Variants in RTTN observed in about 807,000 individuals in gnomAD.
RTTN encodes the protein rotatin.
Under a neutral mutation model 269.2 loss-of-function variants are expected in RTTN, and 182 were observed. That is an observed-to-expected ratio of 0.68 (90% CI 0.60 to 0.76). RTTN has a LOEUF of 0.76. Ranked by LOEUF, RTTN falls within the 30% of genes least tolerant of loss-of-function variation. The probability of loss-of-function intolerance (pLI) is 0.00; values close to 1 mark genes in which losing one functional copy is unlikely to be tolerated. For missense variants in RTTN, 2,545 were observed against 2,608.6 expected, an observed-to-expected ratio of 0.98 and a Z score of 0.53; for synonymous variants, 1,006 against 963.5, an observed-to-expected ratio of 1.04 and a Z score of -0.82.
intron 28 of RTTN, among the ~76,000 whole-genome samples, chr18:70,109,101 T>C (rs2059395337): frequency 6.6e-6 from 1 of 152,084 alleles, no homozygotes. Flanking sequence ...AAAACAAATA[T>C]CCTTTAACAT....
intron 14 of RTTN, among the ~76,000 whole-genome samples, chr18:70,155,180 A>G (rs1194834235): frequency 6.6e-6 from 1 of 152,160 alleles, no homozygotes; most frequent in African/African-American, 2.4e-5. Flanking sequence ...AACATACACA[A>G]ATGAAAATGT....
intron 48 of RTTN, 86 bp from the exon 49 acceptor site, chr18:70,004,322 A>G: frequency 7.8e-6 from 6 of 773,344 alleles, no homozygotes; most frequent in Admixed American, 2.1e-5. Context: ...ACAAATACAT[A>G]TGAACAGGAT....
chr18:70,192,061 C>A (rs2061684436), intron 8 of RTTN, among the ~76,000 whole-genome samples: 1 of 152,112 alleles, frequency 6.6e-6, no homozygotes, highest in Admixed American at 6.5e-5. Flanking sequence ...CCTCTCTAAA[C>A]CTCAATGAGG....
At chr18:70,142,470 T>C in intron 18 of RTTN, 83 bp from the exon 19 acceptor site, 1 of 777,206 alleles carries the variant, frequency 1.3e-6, no homozygotes, top group Non-Finnish European at 2.1e-6. Flanking sequence ...TTGTGCCCTA[T>C]GAACAAAAGC....
chr18:70,199,265 C>T (rs2061890863), intron 5 of RTTN, 149 bp downstream of exon 5: 1 of 411,394 alleles, frequency 2.4e-6, no homozygotes, highest in African/African-American at 2.1e-5. Context: ...TTCTGGCTAG[C>T]TTTTTGAAAA....
chr18:70,162,982 C>T (rs938990617), intron 14 of RTTN, among the ~76,000 whole-genome samples: 5 of 112,702 alleles, frequency 4.4e-5, no homozygotes, highest in Non-Finnish European at 7.2e-5. Context: ...ACATGAAAAA[C>T]AGTATAAGTG....
intron 28 of RTTN, among the ~76,000 whole-genome samples, chr18:70,101,936 G>C (rs747792035): frequency 8.5e-5 from 13 of 152,226 alleles, no homozygotes; most frequent in Non-Finnish European, 1.5e-4. Flanking sequence ...ACTGTGGTTT[G>C]AGACACAGTT....
At chr18:70,199,594 G>A in intron 4 of RTTN, 90 bp from the exon 5 acceptor site, 1 of 889,708 alleles carries the variant, frequency 1.1e-6, no homozygotes, top group Non-Finnish European at 1.8e-6. Context: ...TTTAAAACAA[G>A]TCCCAAAATA....
At chr18:70,166,604 A>G (rs1211802640) in intron 13 of RTTN, 10 of 215,952 alleles carry the variant, frequency 4.6e-5, no homozygotes, top group Non-Finnish European at 2.7e-5. Flanking sequence ...TTAAGTTATT[A>G]ATTAAAACTT....
chr18:70,113,444 A>C (rs1327047051), intron 27 of RTTN, among the ~76,000 whole-genome samples: 1 of 152,186 alleles, frequency 6.6e-6, no homozygotes, highest in Non-Finnish European at 1.5e-5. Flanking sequence ...GGAATGTAAA[A>C]TGGTATAGCT....
At chr18:70,149,685 T>C (rs1410203639) in intron 16 of RTTN, among the ~76,000 whole-genome samples, 3 of 152,104 alleles carry the variant, frequency 2.0e-5, no homozygotes, top group Non-Finnish European at 4.4e-5. Context: ...TAAAAGCCTT[T>C]ATATAAGGTT....
intron 36 of RTTN, among the ~76,000 whole-genome samples, chr18:70,059,543 G>A (rs1341069355): frequency 6.6e-6 from 1 of 151,942 alleles, no homozygotes; most frequent in Non-Finnish European, 1.5e-5. Context: ...TTAAGAACAG[G>A]GGATAGCACC....
chr18:70,082,403 T>C (rs906912545), intron 32 of RTTN, among the ~76,000 whole-genome samples: 1 of 101,988 alleles, frequency 9.8e-6, no homozygotes, highest in Non-Finnish European at 2.2e-5. Context: ...TCAACAAATG[T>C]TTACAGAAAT....
At position 70,075,504 on chromosome 18, in the gene RTTN, A is replaced by G; in HGVS notation, c.4412T>C (p.Leu1471Pro). The G allele has an allele frequency of 6.2e-7, 1 of 1,600,020 alleles. No homozygotes were observed. The highest frequency in any genetic ancestry group is 8.5e-7 in the Non-Finnish European group (1 of 1,174,566). ...AGCCTGAAGGGCAGGTTTTCCAATG[A>G]GCGATAGGCCAGAGTCCTCATCATG... ...CVHDEDSGLSLIGKPALQALL... is the reference protein window; with the variant it reads ...CVHDEDSGLSPIGKPALQALL... The change falls in exon 33 of 49, where the codon CTC becomes CCC. Residue 1471 changes from leucine (L) to proline (P), a missense_variant. Coordinates refer to ENST00000640769, the MANE Select transcript of RTTN (RefSeq NM_173630.4).
chr18:70,080,913 C>A (rs2058546871), intron 32 of RTTN, among the ~76,000 whole-genome samples: 1 of 147,380 alleles, frequency 6.8e-6, no homozygotes, highest in South Asian at 2.2e-4. Context: ...AGTGGATAAA[C>A]TGGTGTGTGT....
At chr18:70,108,783 T>C (rs1297704370) in intron 28 of RTTN, among the ~76,000 whole-genome samples, 1 of 151,718 alleles carries the variant, frequency 6.6e-6, no homozygotes, top group Non-Finnish European at 1.5e-5. Context: ...AAAAAAGCAA[T>C]ATACAATTAT....
At chr18:70,121,476 T>C (rs1006726970) in intron 26 of RTTN, 80 bp downstream of exon 26, 8 of 1,212,402 alleles carry the variant, frequency 6.6e-6, no homozygotes, top group African/African-American at 6.2e-5. Flanking sequence ...AAATTATCCT[T>C]TTCCATAATA....
intron 40 of RTTN, among the ~76,000 whole-genome samples, chr18:70,044,016 T>C (rs143371357): frequency 6.8e-4 from 103 of 152,342 alleles, no homozygotes; most frequent in Non-Finnish European, 1.3e-3. Context: ...ATAATGTCTT[T>C]TCATCAACCA....
chr18:70,183,918 C>T (rs948952321), intron 10 of RTTN, among the ~76,000 whole-genome samples: 2 of 152,290 alleles, frequency 1.3e-5, no homozygotes, highest in South Asian at 2.1e-4. Flanking sequence ...TAGGTATGCA[C>T]CTACATGCCC....
Sources: allele counts gnomAD v4.1 joint callset (sites outside exome capture counted in the v4.1 genomes callset), GRCh38; gene constraint gnomAD v4.1.1; transcripts MANE v1.5; gene names NCBI Gene and HGNC (gene_info 2026-07-23, HGNC 2026-07-21).